The following SCAMP4 variants were observed in gnomAD, a reference collection of about 807,000 sequenced individuals.
SCAMP4 encodes the protein secretory carrier-associated membrane protein 4.
Under a neutral mutation model 32.1 loss-of-function variants are expected in SCAMP4, and 19 were observed. That is an observed-to-expected ratio of 0.59 (90% CI 0.41 to 0.87). SCAMP4 has a LOEUF of 0.87. Among genes scored for constraint, SCAMP4 ranks in the 40% least tolerant of loss-of-function variants. The pLI, the probability that SCAMP4 is intolerant of heterozygous loss-of-function variation, is 0.00. For missense variants in SCAMP4, 302 were observed against 309.0 expected (o/e 0.98, Z 0.17); for synonymous variants, 152 against 132.7 (o/e 1.15, Z -1.00).
chr19:1,910,084 C>T (rs992734200), intron 1 of SCAMP4, among the ~76,000 whole-genome samples: 4 of 152,194 alleles, frequency 2.6e-5, no homozygotes, highest in South Asian at 2.1e-4. Flanking sequence ...TAGCAGACTC[C>T]GTGCATCTGT....
intron 1 of SCAMP4, chr19:1,912,954 A>C (rs1298203749): frequency 6.2e-7 from 1 of 1,610,294 alleles, no homozygotes; most frequent in South Asian, 1.1e-5. Context: ...CCTGTACGTG[A>C]CCCGCGAGCC....
intron 1 of SCAMP4, among the ~76,000 whole-genome samples, chr19:1,909,422 G>T (rs552334947): frequency 6.6e-6 from 1 of 152,220 alleles, no homozygotes; most frequent in South Asian, 2.1e-4. Flanking sequence ...TTCCTCTCCA[G>T]TGGAGTGGCC....
At chr19:1,915,926 C>T (rs1351352131) in intron 2 of SCAMP4, among the ~76,000 whole-genome samples, 1 of 137,130 alleles carries the variant, frequency 7.3e-6, no homozygotes, top group African/African-American at 2.8e-5. Context: ...GCCTGGGTGA[C>T]AGAGCGAGAC....
intron 1 of SCAMP4, chr19:1,906,447 G>C (rs1171136228): frequency 6.6e-6 from 1 of 152,244 alleles, no homozygotes; most frequent in African/African-American, 2.4e-5. Flanking sequence ...GCTGAGGCAG[G>C]AGGATTGCTT....
chr19:1,921,466 C>T (rs1385613848), intron 5 of SCAMP4: 29 of 985,274 alleles, frequency 2.9e-5, no homozygotes, highest in Non-Finnish European at 3.4e-5. Context: ...CCCGGTGGGC[C>T]CCGCCAGGAA....
In SCAMP4 at chr19:1,924,265, G is replaced by C. The variant is rs762334218; in HGVS notation, c.671G>C (p.Gly224Ala). 2.5e-6 allele frequency: 4 copies of C among 1,596,932 alleles called. No individual in the cohort carries two copies. Among genetic ancestry groups the C allele is most frequent in the East Asian group, 4.5e-5 (2 of 43,962 alleles). ...PEYPTVPSYPGSGQWP is the reference protein window; with the variant it reads ...PEYPTVPSYPASGQWP ...TACCCCACTGTGCCCAGCTACCCGG[G>C]CAGTGGCCAGTGGCCTTAGAGGGAG... Residue 224 changes from glycine (G) to alanine (A), a missense_variant, in exon 7 of 7, where the codon GGC becomes GCC. Transcript: ENST00000316097.
At position 1,924,368 on chromosome 19, in the gene SCAMP4, C is replaced by CT. The variant is rs1385632879; in HGVS notation, c.*85dup. The CT allele has an allele frequency of 3.6e-6, 5 of 1,382,750 alleles. No individual in the cohort carries two copies. The highest frequency in any genetic ancestry group is 3.9e-6 in the Non-Finnish European group (4 of 1,020,802). The allele number at this position is 1,382,750 out of a possible 1,614,324, so 85.7% of individuals were successfully genotyped here. On this transcript the variant is annotated 3_prime_UTR_variant, in exon 7 of 7. Transcript: ENST00000316097. ...CCCTGGTCCCGAGGGCTGGGAGTAC[C>CT]TGGGGCCCCATCCCCCCAGCTGGGA...
chr19:1,917,599 A>G (rs2013774580), intron 2 of SCAMP4, 95 bp from the exon 3 acceptor site: 2 of 1,448,728 alleles, frequency 1.4e-6, no homozygotes, highest in Middle Eastern at 1.8e-4. Context: ...CCCTTCTGCC[A>G]TGAGAGGCAA....
Position 1,914,976 on chromosome 19 carries a change from C to T in SCAMP4, c.-41-3C>T. 6 of 1,613,578 alleles carry T rather than the reference C, an allele frequency of 3.7e-6. No individual in the cohort carries two copies. The highest frequency in any genetic ancestry group is 2.7e-5 in the African/African-American group (2 of 75,046). ...TCCCTGACTGTGGTTGTCTTCCTTCCAGGCGGCTGCAGGCTTCAGCCTGCG... is the reference window on the plus strand; with the variant it reads ...TCCCTGACTGTGGTTGTCTTCCTTCTAGGCGGCTGCAGGCTTCAGCCTGCG... On this transcript the variant is annotated splice_polypyrimidine_tract_variant and splice_region_variant and intron_variant, in intron 1 of 6. Coordinates refer to ENST00000316097, the MANE Select transcript of SCAMP4 (RefSeq NM_079834.4).
intron 1 of SCAMP4, chr19:1,911,916 G>T: frequency 6.7e-6 from 8 of 1,195,698 alleles, no homozygotes; most frequent in Non-Finnish European, 6.6e-6. Context: ...AGGGAGTGTA[G>T]CTCTGATGCG....
intron 5 of SCAMP4, chr19:1,921,995 G>C: frequency 1.0e-6 from 1 of 985,462 alleles, no homozygotes; most frequent in East Asian, 1.1e-4. Flanking sequence ...GGACACATCC[G>C]GGGGTGTGGG....
In SCAMP4 at chr19:1,919,022, T is replaced by G. The variant is rs780664398; in HGVS notation, c.395+32T>G. 2.9e-5 allele frequency: 45 copies of G among 1,578,268 alleles called. No individual in the cohort carries two copies. In the East Asian group the frequency reaches 9.3e-4, roughly 33 times the overall value. ...CTCTCTCTGATGGGCGTGGTGGCTG[T>G]GATGTGGCTCAGCTGCCAGGTTGTG... On this transcript the variant is annotated intron_variant, in intron 5 of 6. Transcript: ENST00000316097.
At chr19:1,921,959 C>T (rs992264321) in intron 5 of SCAMP4, 42 of 985,364 alleles carry the variant, frequency 4.3e-5, no homozygotes, top group South Asian at 2.8e-4. Flanking sequence ...TATCACGCCC[C>T]GTGCATGTGT....
At chr19:1,913,376 C>A in intron 1 of SCAMP4, 1 of 660,356 alleles carries the variant, frequency 1.5e-6, no homozygotes, top group Non-Finnish European at 2.6e-6. Context: ...GCCGCCCTTG[C>A]TGCGTTTGTG....
intron 1 of SCAMP4, among the ~76,000 whole-genome samples, chr19:1,909,811 G>A (rs537990884): frequency 6.6e-6 from 1 of 152,202 alleles, no homozygotes; most frequent in East Asian, 1.9e-4. Context: ...TGCTCCACCC[G>A]ACAGCCAGGG....
Position 1,923,085 on chromosome 19 carries a change from A to G in SCAMP4, c.411A>G (p.Ala137=). 6.5e-7 allele frequency: 1 copy of G among 1,550,190 alleles called. No homozygotes were observed. Among genetic ancestry groups the G allele is most frequent in the South Asian group, 1.2e-5 (1 of 83,744 alleles). The change falls in exon 6 of 7, where the codon GCA becomes GCG. Residue 137 remains alanine (A), a synonymous_variant. Transcript: ENST00000316097. ...TCCCTTGCAGCGGCTGGCTGTCGGC[A>G]ATTGGATTCTTCCAGTACAGCCCGG... ...SGWGACGWLS[A]IGFFQYSPGA... is the part of the protein sequence containing the mutation.
At chr19:1,919,302 G>A (rs1164849009) in intron 5 of SCAMP4, 5 of 1,205,120 alleles carry the variant, frequency 4.1e-6, no homozygotes, top group African/African-American at 3.1e-5. Context: ...CCCCTGACCC[G>A]GGGTCTGGGA....
At chr19:1,912,153 G>A (rs745631241) in intron 1 of SCAMP4, 2 of 1,568,280 alleles carry the variant, frequency 1.3e-6, no homozygotes, top group Non-Finnish European at 1.7e-6. Context: ...CGGGAGCCCG[G>A]AGCCTGAGCC....
At position 1,923,066 on chromosome 19, in the gene SCAMP4, G is replaced by A; in HGVS notation, c.396-4G>A. On this transcript the variant is annotated splice_region_variant and splice_polypyrimidine_tract_variant and intron_variant, in intron 5 of 6. Transcript: ENST00000316097. ...GCACCCACGCACTCTCTTGTCCCTT[G>A]CAGCGGCTGGCTGTCGGCAATTGGA... The A allele has an allele frequency of 1.3e-6, 2 of 1,547,002 alleles. No individual in the cohort carries two copies. Among genetic ancestry groups the A allele is most frequent in the Non-Finnish European group, 1.7e-6 (2 of 1,144,900 alleles).
Sources: gnomAD v4.1 joint callset for allele counts (sites outside exome capture counted in the v4.1 genomes callset) on GRCh38, gnomAD v4.1.1 for gene constraint, MANE v1.5 for transcripts, NCBI Gene and HGNC (gene_info 2026-07-23, HGNC 2026-07-21) for gene names.